Variants in UBE2Z observed in about 807,000 individuals in gnomAD.
The protein encoded by UBE2Z is ubiquitin-conjugating enzyme E2 Z.
UBE2Z carries 10 observed loss-of-function variants against 32.6 expected under a neutral mutation model. That is an observed-to-expected ratio of 0.31 (90% CI 0.19 to 0.52). The LOEUF (loss-of-function observed/expected upper bound fraction) is 0.52. Ranked by LOEUF, UBE2Z falls within the 20% of genes least tolerant of loss-of-function variation. UBE2Z has a pLI of 0.97. For missense variants in UBE2Z, 343 were observed against 480.9 expected, an observed-to-expected ratio of 0.71 and a Z score of 2.68; for synonymous variants, 183 against 190.8, an observed-to-expected ratio of 0.96 and a Z score of 0.34.
Position 48,926,983 on chromosome 17 carries a change from G to A in UBE2Z, c.914G>A (p.Arg305Gln). The change falls in exon 7 of 7, where the codon CGG becomes CAG. Residue 305 changes from arginine (R) to glutamine (Q), a missense_variant. Arg to Gln is a conservative substitution (Grantham distance 43). This residue lies in a region of UBE2Z where 182 missense variants were observed against 312.4 expected (regional missense o/e 0.58). Transcript: ENST00000360943. The part of the protein sequence containing the change: ...QTMQDPFGEK[R>Q]GHFDYQSLLM... ...CCACAGGACCCTTTTGGAGAGAAGC[G>A]GGGCCACTTTGACTACCAGTCCCTC... 1.2e-6 allele frequency: 2 copies of A among 1,613,002 alleles called. No homozygotes were observed. Among genetic ancestry groups the A allele is most frequent in the Non-Finnish European group, 8.5e-7 (1 of 1,179,622 alleles).
chr17:48,908,778 A>G lies in UBE2Z; in HGVS notation c.275A>G (p.Asp92Gly). ...GACCCCACGCTCAGCTCCGACTGGGACGGCGAGCGCACCGCGCCGCAGTGT... is the reference window on the plus strand; with the variant it reads ...GACCCCACGCTCAGCTCCGACTGGGGCGGCGAGCGCACCGCGCCGCAGTGT... Reference protein sequence around the residue: ...HWDPTLSSDWDGERTAPQCLL... With the variant: ...HWDPTLSSDWGGERTAPQCLL... Residue 92 changes from aspartate (D) to glycine (G), a missense_variant, in exon 1 of 7, where the codon GAC (aspartate) becomes GGC (glycine). Transcript: ENST00000360943. 1 of 1,506,318 alleles carries G rather than the reference A, an allele frequency of 6.6e-7. No homozygotes were observed. The highest frequency in any genetic ancestry group is 8.8e-7 in the Non-Finnish European group (1 of 1,132,356). 93.3% of individuals were successfully genotyped at this position (1,506,318 alleles called of 1,614,324 possible).
intron 6 of UBE2Z, 33 bp downstream of exon 6, chr17:48,922,970 C>G: frequency 6.4e-7 from 1 of 1,572,428 alleles, no homozygotes; most frequent in African/African-American, 1.3e-5. Context: ...TTGCAGAAGC[C>G]CTACAGCTGG....
At chr17:48,915,681 C>G (rs1263149180) in intron 3 of UBE2Z, 4 of 215,220 alleles carry the variant, frequency 1.9e-5, no homozygotes, top group African/African-American at 2.4e-5. Flanking sequence ...TGCTCAACTT[C>G]CCTCTCCCCT....
At position 48,912,893 on chromosome 17, in the gene UBE2Z, C is replaced by T. The variant is rs771442270; in HGVS notation, c.450C>T (p.Phe150=). 2 of 1,613,786 alleles carry T rather than the reference C, an allele frequency of 1.2e-6. No homozygotes were observed. Among genetic ancestry groups the T allele is most frequent in the Non-Finnish European group, 1.7e-6 (2 of 1,179,862 alleles). Residue 150 remains phenylalanine (F), a synonymous_variant, in exon 3 of 7, where the codon TTC becomes TTT. Coordinates refer to ENST00000360943, the MANE Select transcript of UBE2Z (RefSeq NM_023079.5). ...DTPYEGGFFL[F]VFRCPPDYPI... is the part of the protein sequence containing the mutation. ...CTTATGAAGGGGGTTTCTTCCTGTT[C>T]GTGTTTCGGTGTCCGCCCGACTATC... is the stretch of plus-strand genomic sequence containing the variant.
intron 4 of UBE2Z, among the ~76,000 whole-genome samples, chr17:48,920,020 A>G (rs1014427489): frequency 6.6e-6 from 1 of 151,854 alleles, no homozygotes; most frequent in African/African-American, 2.4e-5. Flanking sequence ...GTCTCTACCG[A>G]AAAACTTTTT....
At position 48,922,837 on chromosome 17, in the gene UBE2Z, T is replaced by G; in HGVS notation, c.804-10T>G. On this transcript the variant is annotated splice_polypyrimidine_tract_variant and intron_variant, in intron 5 of 6. Coordinates refer to ENST00000360943, the MANE Select transcript of UBE2Z (RefSeq NM_023079.5). Reference sequence around the variant, plus strand: ...GGTTTCTCACTTACACTTTTCTGCTTGTTTTCCAGAGGGGTGATGGAGAAG... The same window carrying G: ...GGTTTCTCACTTACACTTTTCTGCTGGTTTTCCAGAGGGGTGATGGAGAAG... 1 of 1,607,352 alleles carries G rather than the reference T, an allele frequency of 6.2e-7. No individual in the cohort carries two copies. The highest frequency in any genetic ancestry group is 8.5e-7 in the Non-Finnish European group (1 of 1,175,128).
rs71369239 is a variant in UBE2Z, at chr17:48,929,009, G to GT, written c.*1883dup. ...GACTGTATATAAATGAAGTTTTTTT[G>GT]TTTTTTTTGTTTTCCTTTTTGGTGC... On this transcript the variant is annotated 3_prime_UTR_variant, in exon 7 of 7. Coordinates refer to ENST00000360943, the MANE Select transcript of UBE2Z (RefSeq NM_023079.5). The GT allele has an allele frequency of 0.13, 20,292 of 152,302 alleles. 1,451 individuals carry two copies. The highest frequency in any genetic ancestry group is 0.15 in the African/African-American group (6,017 of 41,434). The allele number at this position is 152,302 out of a possible 1,614,324, so 9.4% of individuals were successfully genotyped here. A position where few individuals can be genotyped will look rare whatever the true frequency, so the allele number is the denominator to read the frequency against.
chr17:48,924,173 C>A (rs2040781805), intron 6 of UBE2Z, among the ~76,000 whole-genome samples: 1 of 152,104 alleles, frequency 6.6e-6, no homozygotes, highest in Non-Finnish European at 1.5e-5. Context: ...GATAGGGTCC[C>A]ACTCTATTGC....
At chr17:48,922,975 A>G (rs2040771336) in intron 6 of UBE2Z, 38 bp downstream of exon 6, 1 of 1,565,026 alleles carries the variant, frequency 6.4e-7, no homozygotes, top group Non-Finnish European at 8.7e-7. Flanking sequence ...GAAGCCCTAC[A>G]GCTGGCCATG....
rs1461627322 is a variant in UBE2Z, at chr17:48,908,792, G to A, written c.289G>A (p.Ala97Thr). 2.7e-6 allele frequency: 4 copies of A among 1,506,568 alleles called. No homozygotes were observed. Among genetic ancestry groups the A allele is most frequent in the African/African-American group, 1.4e-5 (1 of 69,704 alleles). 93.3% of individuals were successfully genotyped at this position (1,506,568 alleles called of 1,614,324 possible). ...LSSDWDGERT[A>T]PQCLLRIKRD... ...CTCCGACTGGGACGGCGAGCGCACC[G>A]CGCCGCAGTGTCTACTCCGGATCAA... The change falls in exon 1 of 7, where the codon GCG becomes ACG. Residue 97 changes from alanine (A) to threonine (T), a missense_variant. By Grantham distance (58) the Ala-to-Thr change is moderately conservative. Coordinates refer to ENST00000360943, the MANE Select transcript of UBE2Z (RefSeq NM_023079.5).
intron 1 of UBE2Z, 41 bp downstream of exon 1, chr17:48,908,861 G>A (rs1175032719): frequency 7.3e-7 from 1 of 1,367,970 alleles, no homozygotes; most frequent in South Asian, 1.4e-5. Context: ...GAGCTCCGGG[G>A]CTCGACCTTC....
intron 6 of UBE2Z, among the ~76,000 whole-genome samples, chr17:48,923,491 G>A (rs2040777632): frequency 6.6e-6 from 1 of 151,968 alleles, no homozygotes; most frequent in South Asian, 2.1e-4. Context: ...AATTGGCTCA[G>A]CGTGGTAGCA....
chr17:48,912,583 C>T (rs1172623460), intron 2 of UBE2Z: 11 of 439,290 alleles, frequency 2.5e-5, no homozygotes, highest in East Asian at 1.1e-4. Context: ...ATTCAGTTTT[C>T]GCCTTGGGCT....
chr17:48,922,075 A>G (rs527424221), intron 5 of UBE2Z, among the ~76,000 whole-genome samples: 1 of 152,260 alleles, frequency 6.6e-6, no homozygotes, highest in East Asian at 1.9e-4. Context: ...ATAATTCCTG[A>G]TGTGTAGGGG....
chr17:48,920,841 A>C (rs1251159004), intron 4 of UBE2Z, among the ~76,000 whole-genome samples: 1 of 151,976 alleles, frequency 6.6e-6, no homozygotes, highest in Non-Finnish European at 1.5e-5. Context: ...CCCTACCATC[A>C]TTCTTATGTT....
chr17:48,916,236 T>C (rs772072576), intron 4 of UBE2Z, 49 bp downstream of exon 4: 1 of 1,085,862 alleles, frequency 9.2e-7, no homozygotes, highest in East Asian at 2.9e-5. Context: ...TGTTTTTGTT[T>C]GTTTGGTTGG....
At chr17:48,919,418 A>T (rs1035808855) in intron 4 of UBE2Z, among the ~76,000 whole-genome samples, 1 of 152,196 alleles carries the variant, frequency 6.6e-6, no homozygotes, top group Non-Finnish European at 1.5e-5. Flanking sequence ...CCCTGTTTAT[A>T]TTGGCTTTCT....
intron 4 of UBE2Z, among the ~76,000 whole-genome samples, chr17:48,917,890 AG>A (rs1447701116): frequency 6.6e-6 from 1 of 152,204 alleles, no homozygotes; most frequent in Non-Finnish European, 1.5e-5. Context: ...TTCCAGTGAT[AG>A]TCCCAAAAGA....
Position 48,927,026 on chromosome 17 carries a change from G to T in UBE2Z, c.957G>T (p.Leu319=). 1 of 1,613,762 alleles carries T rather than the reference G, an allele frequency of 6.2e-7. No homozygotes were observed. The highest frequency in any genetic ancestry group is 8.5e-7 in the Non-Finnish European group (1 of 1,179,820). The change falls in exon 7 of 7, where the codon CTG becomes CTT. Residue 319 remains leucine (L), a synonymous_variant. Transcript: ENST00000360943. ...AGTCCCTCTTGATGCGCCTGGGACT[G>T]ATACGTCAGAAAGTGCTGGAGAGGC... ...DYQSLLMRLG[L]IRQKVLERLH...
Sources: allele counts gnomAD v4.1 joint callset (sites outside exome capture counted in the v4.1 genomes callset), GRCh38; gene constraint gnomAD v4.1.1; regional missense constraint gnomAD v4.1.1; transcripts MANE v1.5; gene names NCBI Gene and HGNC (gene_info 2026-07-23, HGNC 2026-07-21).